The following CRBN variants were observed in gnomAD, a reference collection of about 807,000 sequenced individuals.
CRBN encodes protein cereblon.
In CRBN, 53 loss-of-function variants were observed where a neutral mutation model predicts 62.2. The observed-to-expected ratio is 0.85, with a 90% CI of 0.68 to 1.07. CRBN has a LOEUF of 1.07. Among genes scored for constraint, CRBN ranks in the 50% least tolerant of loss-of-function variants. CRBN has a pLI of 0.00. For missense variants in CRBN, 616 were observed against 531.1 expected (o/e 1.16, Z -1.57); for synonymous variants, 208 against 176.1 (o/e 1.18, Z -1.43).
intron 5 of CRBN, among the ~76,000 whole-genome samples, chr3:3,157,433 G>A (rs1490223127): frequency 1.3e-5 from 2 of 152,140 alleles, no homozygotes; most frequent in Non-Finnish European, 2.9e-5. Context: ...AAGGAATAAG[G>A]TAGATCAAAA....
rs1447378266 is a variant in CRBN, at chr3:3,152,476, T to C, written c.1128A>G (p.Thr376=). 1 of 1,613,838 alleles carries C rather than the reference T, an allele frequency of 6.2e-7. No individual in the cohort carries two copies. Among genetic ancestry groups the C allele is most frequent in the Non-Finnish European group, 8.5e-7 (1 of 1,179,964 alleles). The change falls in exon 10 of 11, where the codon ACA becomes ACG. Residue 376 remains threonine, a synonymous_variant. Transcript: ENST00000231948. ...CNLNLIGRPS[T]EHSWFPGYAW... ...ATTACCCAGGAAACCAGCTGTGTTC[T>C]GTAGAAGGCCGGCCTATCAGATTCA...
intron 2 of CRBN, among the ~76,000 whole-genome samples, chr3:3,174,736 C>A (rs1321406504): frequency 1.3e-5 from 2 of 152,182 alleles, no homozygotes; most frequent in African/African-American, 4.8e-5. Flanking sequence ...TTTAATCTAA[C>A]TTTAACTCTT....
At chr3:3,152,732 T>G (rs1706666830) in intron 9 of CRBN, 145 bp from the exon 10 acceptor site, 6 of 1,010,854 alleles carry the variant, frequency 5.9e-6, no homozygotes, top group Non-Finnish European at 9.0e-6. Context: ...TACCAGGATC[T>G]TAGTATGAAA....
intron 1 of CRBN, among the ~76,000 whole-genome samples, chr3:3,178,968 T>C (rs945903744): frequency 2.0e-5 from 3 of 151,996 alleles, no homozygotes; most frequent in African/African-American, 7.3e-5. Flanking sequence ...AAAAACTAAG[T>C]ATCTCTGATT....
chr3:3,174,358 A>G, intron 2 of CRBN, 97 bp from the exon 3 acceptor site: 1 of 1,012,044 alleles, frequency 9.9e-7, no homozygotes, highest in Non-Finnish European at 1.5e-6. Context: ...AAAGAAATAC[A>G]GGCCGGGCAC....
Position 3,172,844 on chromosome 3 carries a change from C to G in CRBN, c.459G>C (p.Glu153Asp). 6.2e-7 allele frequency: 1 copy of G among 1,613,860 alleles called. No homozygotes were observed. The highest frequency in any genetic ancestry group is 1.1e-5 in the South Asian group (1 of 91,074). Residue 153 changes from glutamate (E) to aspartate (D), a missense_variant, in exon 4 of 11, where the codon GAG becomes GAC. By Grantham distance (45) the Glu-to-Asp change is conservative. Transcript: ENST00000231948. The part of the protein sequence containing the change: ...AYREEQDFGI[E>D]IVKVKAIGRQ... ...TTCCAATTGCTTTCACTTTCACTATCTCAATTCCAAAATCCTGTTCTTCTC... is the reference window on the plus strand; with the variant it reads ...TTCCAATTGCTTTCACTTTCACTATGTCAATTCCAAAATCCTGTTCTTCTC...
intron 3 of CRBN, among the ~76,000 whole-genome samples, chr3:3,173,275 C>G (rs2126067989): frequency 6.6e-6 from 1 of 152,240 alleles, no homozygotes; most frequent in Non-Finnish European, 1.5e-5. Context: ...TCAGGCTGGT[C>G]TCAAACTCCC....
At chr3:3,149,883 T>TCATACAAA (rs1706371568), downstream of CRBN, 1 of 152,112 alleles carries the variant, frequency 6.6e-6, no homozygotes, top group Non-Finnish European at 1.5e-5. Context: ...ACGAAAGTTA[T>TCATACAAA]CATACAAATG....
intron 1 of CRBN, among the ~76,000 whole-genome samples, chr3:3,175,993 C>G (rs1672758): frequency 6.6e-6 from 1 of 151,956 alleles, no homozygotes; most frequent in Non-Finnish European, 1.5e-5. Context: ...CACCTGGCTA[C>G]AGCAGTGTGT....
chr3:3,160,000 C>CA (rs774566806), intron 5 of CRBN, among the ~76,000 whole-genome samples: 1 of 152,160 alleles, frequency 6.6e-6, no homozygotes, highest in Non-Finnish European at 1.5e-5. Flanking sequence ...AAAGTTTAGG[C>CA]ACTTAAAAGT....
chr3:3,174,342 AC>A (rs1707745230), intron 2 of CRBN, 81 bp from the exon 3 acceptor site: 1 of 1,141,650 alleles, frequency 8.8e-7, no homozygotes, highest in Non-Finnish European at 1.3e-6. Flanking sequence ...AGAGCAAATC[AC>A]ATTAAAAGAA....
intron 4 of CRBN, among the ~76,000 whole-genome samples, chr3:3,170,495 C>T (rs1707561449): frequency 6.6e-6 from 1 of 152,134 alleles, no homozygotes; most frequent in African/African-American, 2.4e-5. Flanking sequence ...GTCATGGGAC[C>T]TAGAACCAAT....
chr3:3,174,112 A>G lies in CRBN; in HGVS notation c.324T>C (p.Ser108=), dbSNP rs778452788. The change falls in exon 3 of 11, where the codon AGT becomes AGC. Residue 108 remains serine, a synonymous_variant. Coordinates refer to ENST00000231948, the MANE Select transcript of CRBN (RefSeq NM_016302.4). ...CTTTCTGAATTAAATTCCGCACCAT[A>G]CTGACTTCTTGAGGGTGAAAAAGCT... ...PLQLFHPQEV[S]MVRNLIQKDR... 6.2e-7 allele frequency: 1 copy of G among 1,614,156 alleles called. No individual in the cohort carries two copies. The highest frequency in any genetic ancestry group is 1.1e-5 in the South Asian group (1 of 91,086).
intron 4 of CRBN, among the ~76,000 whole-genome samples, chr3:3,169,871 C>G (rs711615): frequency 0.37 from 54,561 of 149,276 alleles, 12,331 homozygotes; most frequent in Middle Eastern, 0.57. Flanking sequence ...CTGAAGAGTC[C>G]TATGTCAGTG....
intron 6 of CRBN, 196 bp downstream of exon 6, chr3:3,156,023 T>G: frequency 1.7e-6 from 1 of 571,810 alleles, no homozygotes. Flanking sequence ...AGGCTGGTCT[T>G]GAATGCCTGG....
At position 3,150,252 on chromosome 3, in the gene CRBN, A is replaced by ATT. The variant is rs1706416505; in HGVS notation, c.*612_*613insAA. On this transcript the variant is annotated 3_prime_UTR_variant, in exon 11 of 11. Transcript: ENST00000231948. ...CTACTTTTTACTAACAGGCACATAAAGGAAATGACAACTATTCGTGGGCTC... is the reference window on the plus strand; with the variant it reads ...CTACTTTTTACTAACAGGCACATAAATTGGAAATGACAACTATTCGTGGGCTC... 6.6e-6 allele frequency: 1 copy of ATT among 152,624 alleles called. No individual in the cohort carries two copies. Among genetic ancestry groups the ATT allele is most frequent in the Non-Finnish European group, 1.5e-5 (1 of 68,380 alleles). The allele number at this position is 152,624 out of a possible 1,614,324, so 9.5% of individuals were successfully genotyped here.
At chr3:3,173,052 T>C in intron 3 of CRBN, 127 bp from the exon 4 acceptor site, 1 of 754,384 alleles carries the variant, frequency 1.3e-6, no homozygotes, top group Non-Finnish European at 2.3e-6. Context: ...GCTAGGATAA[T>C]TTTATTTATT....
intron 1 of CRBN, among the ~76,000 whole-genome samples, chr3:3,175,477 A>C (rs572091000): frequency 1.3e-5 from 2 of 152,246 alleles, no homozygotes; most frequent in East Asian, 3.9e-4. Context: ...TGAATTTTAG[A>C]ATAGTTTAAC....
intron 8 of CRBN, 129 bp downstream of exon 8, chr3:3,153,831 C>T (rs1355243708): frequency 1.4e-6 from 1 of 690,466 alleles, no homozygotes; most frequent in African/African-American, 1.8e-5. Context: ...TTGTAAGATC[C>T]CAATTGAAAT....
Sources: gnomAD v4.1 joint callset for allele counts (sites outside exome capture counted in the v4.1 genomes callset) on GRCh38, gnomAD v4.1.1 for gene constraint, MANE v1.5 for transcripts, NCBI Gene and HGNC (gene_info 2026-07-23, HGNC 2026-07-21) for gene names.